Variants in PPARGC1A observed in about 807,000 individuals in gnomAD.
PPARGC1A encodes the protein PPARG coactivator 1 alpha, also known as peroxisome proliferator-activated receptor gamma coactivator 1-alpha.
Under a neutral mutation model 88.7 loss-of-function variants are expected in PPARGC1A, and 25 were observed. The observed-to-expected ratio is 0.28, with a 90% CI of 0.21 to 0.39. The LOEUF (loss-of-function observed/expected upper bound fraction) is 0.39. Ranked by LOEUF, PPARGC1A falls within the 10% of genes least tolerant of loss-of-function variation. The pLI, the probability that PPARGC1A is intolerant of heterozygous loss-of-function variation, is 1.00. For synonymous variants in PPARGC1A, 363 were observed against 355.6 expected (o/e 1.02, Z -0.24); for missense variants, 880 against 968.7 (o/e 0.91, Z 1.22).
the PPARGC1A span, among the ~76,000 whole-genome samples, chr4:24,388,850 A>G: frequency 6.6e-6 from 1 of 152,188 alleles, no homozygotes. Flanking sequence ...GGATAGCATT[A>G]GGAGAAATAC....
the PPARGC1A span, among the ~76,000 whole-genome samples, chr4:24,452,341 A>G: frequency 1.3e-5 from 2 of 151,730 alleles, no homozygotes; most frequent in African/African-American, 4.8e-5. Flanking sequence ...AATACAGACT[A>G]TCTAACATTG....
At chr4:24,167,590 AT>A in the PPARGC1A span, among the ~76,000 whole-genome samples, 1 of 152,182 alleles carries the variant, frequency 6.6e-6, no homozygotes, top group Non-Finnish European at 1.5e-5. Flanking sequence ...CTGCTGTCTT[AT>A]TTTAAGAAAT....
At chr4:23,874,660 T>C (rs900446090) in intron 2 of PPARGC1A, among the ~76,000 whole-genome samples, 3 of 152,300 alleles carry the variant, frequency 2.0e-5, no homozygotes, top group Non-Finnish European at 2.9e-5. Context: ...ACCTTGGTCA[T>C]GTCAGGTGAA....
the PPARGC1A span, among the ~76,000 whole-genome samples, chr4:24,177,260 A>T: frequency 2.0e-5 from 3 of 152,080 alleles, no homozygotes; most frequent in South Asian, 2.1e-4. Context: ...AATGTGGCAC[A>T]TACACACCAT....
chr4:23,860,061 C>T (rs1235226131), intron 2 of PPARGC1A, among the ~76,000 whole-genome samples: 1 of 151,890 alleles, frequency 6.6e-6, no homozygotes, highest in Non-Finnish European at 1.5e-5. Context: ...TGATTGAGGC[C>T]AGGAGTTCAA....
chr4:24,433,915 A>G, the PPARGC1A span, among the ~76,000 whole-genome samples: 1 of 152,186 alleles, frequency 6.6e-6, no homozygotes, highest in Admixed American at 6.5e-5. Context: ...CTTTATTAAC[A>G]AAAGGACACC....
the PPARGC1A span, among the ~76,000 whole-genome samples, chr4:24,033,378 G>A: frequency 8.2e-4 from 123 of 150,110 alleles, 1 homozygote; most frequent in African/African-American, 2.9e-3. Context: ...GGAGATAGAA[G>A]GGATAAACAG....
At chr4:24,220,485 A>T in the PPARGC1A span, among the ~76,000 whole-genome samples, 1 of 152,336 alleles carries the variant, frequency 6.6e-6, no homozygotes, top group Non-Finnish European at 1.5e-5. Context: ...GTACCCATCA[A>T]CGGTGGATTG....
At chr4:24,182,007 A>T in the PPARGC1A span, among the ~76,000 whole-genome samples, 1 of 152,078 alleles carries the variant, frequency 6.6e-6, no homozygotes, top group African/African-American at 2.4e-5. Flanking sequence ...TTTTACTTTA[A>T]GTTCTAGGAT....
the PPARGC1A span, among the ~76,000 whole-genome samples, chr4:24,197,430 GAA>G: frequency 8.5e-5 from 13 of 152,260 alleles, no homozygotes; most frequent in African/African-American, 3.1e-4. Flanking sequence ...TTCCACAGAG[GAA>G]AAGGGCCTCT....
chr4:23,945,039 T>G, the PPARGC1A span, among the ~76,000 whole-genome samples: 1 of 152,216 alleles, frequency 6.6e-6, no homozygotes, highest in Admixed American at 6.5e-5. Flanking sequence ...AAAATAAAAA[T>G]AGTCATTGCA....
chr4:24,026,031 T>G, the PPARGC1A span, among the ~76,000 whole-genome samples: 1 of 152,198 alleles, frequency 6.6e-6, no homozygotes, highest in Non-Finnish European at 1.5e-5. Context: ...CTGCCCTACA[T>G]CTTTAAAACC....
At chr4:23,961,438 C>G in the PPARGC1A span, among the ~76,000 whole-genome samples, 1 of 152,036 alleles carries the variant, frequency 6.6e-6, no homozygotes. Flanking sequence ...TCTTCATAAC[C>G]TATTGGGGAG....
the PPARGC1A span, among the ~76,000 whole-genome samples, chr4:24,223,397 C>G: frequency 6.6e-6 from 1 of 151,888 alleles, no homozygotes; most frequent in Non-Finnish European, 1.5e-5. Flanking sequence ...TTACAGGCAT[C>G]CGCAACCATA....
the PPARGC1A span, among the ~76,000 whole-genome samples, chr4:24,046,988 C>T: frequency 6.6e-6 from 1 of 152,120 alleles, no homozygotes; most frequent in Non-Finnish European, 1.5e-5. Flanking sequence ...TGTTAAGATG[C>T]TGGCCGGTGG....
At chr4:24,282,992 G>A in the PPARGC1A span, among the ~76,000 whole-genome samples, 7 of 152,178 alleles carry the variant, frequency 4.6e-5, no homozygotes, top group African/African-American at 1.7e-4. Flanking sequence ...TTAAGCAGAA[G>A]GTCAGCTTCA....
the PPARGC1A span, among the ~76,000 whole-genome samples, chr4:24,256,371 A>T: frequency 6.6e-6 from 1 of 152,212 alleles, no homozygotes; most frequent in Non-Finnish European, 1.5e-5. Flanking sequence ...ATGAAATGAA[A>T]GTTAATTTCA....
chr4:24,386,809 A>G, the PPARGC1A span, among the ~76,000 whole-genome samples: 93 of 152,346 alleles, frequency 6.1e-4, no homozygotes, highest in African/African-American at 1.9e-3. Context: ...GAAAATGGCC[A>G]TACTGCCTAA....
chr4:23,824,240 G>A (rs949733448), intron 7 of PPARGC1A, 40 bp downstream of exon 7: 17 of 1,527,872 alleles, frequency 1.1e-5, no homozygotes, highest in Non-Finnish European at 1.3e-5. Flanking sequence ...CACATATACA[G>A]ACAGACACAC....
Sources: allele counts gnomAD v4.1 joint callset (sites outside exome capture counted in the v4.1 genomes callset), GRCh38; gene constraint gnomAD v4.1.1; transcripts MANE v1.5; gene names NCBI Gene and HGNC (gene_info 2026-07-23, HGNC 2026-07-21).